Variants in PPFIBP1 observed in about 807,000 individuals in gnomAD.
PPFIBP1 encodes PPFIB scaffold protein 1, also known as liprin-beta-1.
Under a neutral mutation model 137.8 loss-of-function variants are expected in PPFIBP1, and 112 were observed. The ratio of observed to expected loss-of-function variants is 0.81; its 90% CI spans 0.70 to 0.95. The LOEUF (loss-of-function observed/expected upper bound fraction) is 0.95, where lower values mean the gene tolerates loss of function less well. Ranked by LOEUF, PPFIBP1 falls within the 40% of genes least tolerant of loss-of-function variation. The pLI is 0.00. For synonymous variants in PPFIBP1, 378 were observed against 417.3 expected (o/e 0.91, Z 1.15); for missense variants, 1,083 against 1,196.6 (o/e 0.91, Z 1.40).
Position 27,687,442 on chromosome 12 carries a change from G to C in PPFIBP1, c.2305G>C (p.Ala769Pro), listed in dbSNP as rs1267297448. The change falls in exon 25 of 30, where the codon GCC becomes CCC. Residue 769 changes from alanine (A) to proline (P), a missense_variant. Transcript: ENST00000228425. ...GCTACACCATCTCAGTATCAAAAGG[G>C]CCATCCAGGTCCTGAGGATCAATAA... is the stretch of plus-strand genomic sequence containing the variant. ...SVLHHLSIKR[A>P]IQVLRINNFE... 1 of 1,613,956 alleles carries C rather than the reference G, an allele frequency of 6.2e-7. No individual in the cohort carries two copies.
Position 27,556,184 on chromosome 12 carries a change from CATG to C in PPFIBP1, c.-123-21965_-123-21963del, listed in dbSNP as rs1170151565. Among the ~76,000 whole-genome samples, 3 of 152,298 alleles carry C rather than the reference CATG, an allele frequency of 2.0e-5. No individual in the cohort carries two copies. In the East Asian group the frequency reaches 5.8e-4, roughly 29 times the overall value. ...CTCGGTGTGGTTTTCTGACTTCCCA[CATG>C]ATTAACTGTAAGATCCCTGCCATAT... On this transcript the variant is annotated intron_variant, in intron 1 of 29. Transcript: ENST00000228425.
At chr12:27,530,569 C>G (rs1944304839) in intron 1 of PPFIBP1, among the ~76,000 whole-genome samples, 1 of 152,226 alleles carries the variant, frequency 6.6e-6, no homozygotes, top group Non-Finnish European at 1.5e-5. Context: ...ATGACTTGCA[C>G]TTCATGTGGG....
At chr12:27,593,805 C>G (rs966588829) in intron 2 of PPFIBP1, 46 of 1,111,362 alleles carry the variant, frequency 4.1e-5, no homozygotes, top group Non-Finnish European at 5.5e-5. Flanking sequence ...CTGTCTGGTT[C>G]GTCCTGAATT....
At chr12:27,665,810 A>T (rs576469310) in intron 12 of PPFIBP1, among the ~76,000 whole-genome samples, 2 of 152,244 alleles carry the variant, frequency 1.3e-5, no homozygotes, top group East Asian at 3.9e-4. Context: ...GAAAAAAAAA[A>T]TTTTGTACAC....
intron 2 of PPFIBP1, among the ~76,000 whole-genome samples, chr12:27,614,069 C>T (rs1274224580): frequency 6.6e-6 from 1 of 152,048 alleles, no homozygotes; most frequent in Non-Finnish European, 1.5e-5. Context: ...TTAGTTTCCC[C>T]TCTCATCACT....
At chr12:27,524,680 T>A (rs1238700300) in intron 1 of PPFIBP1, among the ~76,000 whole-genome samples, 1 of 152,036 alleles carries the variant, frequency 6.6e-6, no homozygotes, top group Admixed American at 6.6e-5. Flanking sequence ...GGCGTGTGTG[T>A]CTCTCTGTCT....
At chr12:27,541,381 G>A (rs1005622816) in intron 1 of PPFIBP1, among the ~76,000 whole-genome samples, 4 of 152,048 alleles carry the variant, frequency 2.6e-5, no homozygotes, top group African/African-American at 7.2e-5. Context: ...TGAAGGCAGC[G>A]GGGCTTCCAT....
chr12:27,687,718 T>C (rs560911891), intron 25 of PPFIBP1, among the ~76,000 whole-genome samples: 3 of 152,350 alleles, frequency 2.0e-5, no homozygotes, highest in South Asian at 4.1e-4. Flanking sequence ...TTTTCAGTTA[T>C]GCTTCTTCCT....
intron 2 of PPFIBP1, among the ~76,000 whole-genome samples, chr12:27,597,091 G>A (rs2053401445): frequency 6.6e-6 from 1 of 152,226 alleles, no homozygotes; most frequent in African/African-American, 2.4e-5. Context: ...CTTGCAAGGG[G>A]TACATATGGT....
chr12:27,688,227 C>A, intron 25 of PPFIBP1, 71 bp from the exon 26 acceptor site: 1 of 1,523,396 alleles, frequency 6.6e-7, no homozygotes, highest in Non-Finnish European at 8.9e-7. Context: ...AGTAACTGTA[C>A]TCCATGGAGC....
In PPFIBP1 at chr12:27,596,111, T is replaced by TCGCGC. The variant is rs2053278133; in HGVS notation, c.-36+17872_-36+17873insCGCGC. 4.3e-5 allele frequency among the ~76,000 whole-genome samples: 6 copies of TCGCGC among 140,508 alleles called. No individual in the cohort carries two copies. The South Asian group carries it at 1.4e-3, about 33-fold the overall frequency. 92.2% of individuals were successfully genotyped at this position (140,508 alleles called of 152,430 possible). A position where few individuals can be genotyped will look rare whatever the true frequency, so the allele number is the denominator to read the frequency against. On this transcript the variant is annotated intron_variant, in intron 2 of 29. Transcript: ENST00000228425. ...ACACACACACACACACACACACATA[T>TCGCGC]GCTTACAAATGGCAAAAAGCCAAGA...
chr12:27,557,467 C>T (rs2048793243), intron 1 of PPFIBP1, among the ~76,000 whole-genome samples: 3 of 152,068 alleles, frequency 2.0e-5, no homozygotes, highest in Admixed American at 2.0e-4. Flanking sequence ...AATCTCCTGA[C>T]CTCGTGATCC....
At chr12:27,534,744 A>G (rs1331068840) in intron 1 of PPFIBP1, among the ~76,000 whole-genome samples, 1 of 152,210 alleles carries the variant, frequency 6.6e-6, no homozygotes, top group Non-Finnish European at 1.5e-5. Context: ...CAGATACATC[A>G]AAGCACCAGG....
At chr12:27,615,532 T>C (rs2055646107) in intron 2 of PPFIBP1, among the ~76,000 whole-genome samples, 1 of 152,214 alleles carries the variant, frequency 6.6e-6, no homozygotes, top group African/African-American at 2.4e-5. Context: ...GAGTCAAATA[T>C]TCCTGTACTT....
intron 4 of PPFIBP1, among the ~76,000 whole-genome samples, chr12:27,637,688 G>A (rs2057783102): frequency 1.3e-5 from 2 of 152,130 alleles, no homozygotes. Flanking sequence ...AAAGCAAGAA[G>A]AAGAGAGGAG....
At chr12:27,678,874 A>AAAAAAAAAAAAAAAAAAAAAAAAAT (rs2060702117) in intron 19 of PPFIBP1, among the ~76,000 whole-genome samples, 1 of 145,082 alleles carries the variant, frequency 6.9e-6, no homozygotes, top group East Asian at 2.0e-4. Flanking sequence ...AAAAAAAAAA[A>AAAAAAAAAAAAAAAAAAAAAAAAAT]AAAAAAACAT....
chr12:27,534,698 C>G (rs1379296604), intron 1 of PPFIBP1, among the ~76,000 whole-genome samples: 1 of 152,158 alleles, frequency 6.6e-6, no homozygotes, highest in Non-Finnish European at 1.5e-5. Context: ...TGAGAGACAA[C>G]TGGTTTTGGA....
intron 2 of PPFIBP1, among the ~76,000 whole-genome samples, chr12:27,611,973 G>A (rs1018711531): frequency 6.6e-6 from 1 of 152,180 alleles, no homozygotes; most frequent in Non-Finnish European, 1.5e-5. Context: ...AATGTAATTC[G>A]TTGATCTGTA....
chr12:27,563,237 C>G (rs924919819), intron 1 of PPFIBP1, among the ~76,000 whole-genome samples: 7 of 115,268 alleles, frequency 6.1e-5, no homozygotes, highest in Non-Finnish European at 6.6e-5. Flanking sequence ...GTCAAGAGAT[C>G]AAGACCATCC....
Sources: gnomAD v4.1 joint callset for allele counts (sites outside exome capture counted in the v4.1 genomes callset) on GRCh38, gnomAD v4.1.1 for gene constraint, MANE v1.5 for transcripts, NCBI Gene and HGNC (gene_info 2026-07-23, HGNC 2026-07-21) for gene names.